Variants in CAST observed in about 807,000 individuals in gnomAD.
The protein encoded by CAST is MIR583 host.
A neutral mutation model predicts 119.6 loss-of-function variants in CAST; 76 were observed. That is an observed-to-expected ratio of 0.64 (90% CI 0.53 to 0.77). CAST has a LOEUF of 0.77. Among genes scored for constraint, CAST ranks in the 30% least tolerant of loss-of-function variants. The pLI is 0.00. For synonymous variants in CAST, 319 were observed against 331.6 expected, an observed-to-expected ratio of 0.96 and a Z score of 0.41; for missense variants, 953 against 946.5, an observed-to-expected ratio of 1.01 and a Z score of -0.09.
At chr5:96,443,610 C>T in the CAST span, among the ~76,000 whole-genome samples, 550 of 152,286 alleles carry the variant, frequency 3.6e-3, 1 homozygote, top group African/African-American at 0.013. Context: ...GTAACTTTAT[C>T]AGTGGTTATC....
intron 1 of CAST, among the ~76,000 whole-genome samples, chr5:96,666,920 C>T (rs1749415278): frequency 6.6e-6 from 1 of 152,094 alleles, no homozygotes; most frequent in Admixed American, 6.6e-5. Context: ...CTAAGTAGTA[C>T]ATCATTTTTC....
At chr5:96,245,055 C>CA in the CAST span, among the ~76,000 whole-genome samples, 3 of 152,164 alleles carry the variant, frequency 2.0e-5, no homozygotes, top group Non-Finnish European at 4.4e-5. Context: ...AAACAGACTA[C>CA]AAAAAATCTT....
the CAST span, chr5:96,398,866 T>G: frequency 6.2e-7 from 1 of 1,606,806 alleles, no homozygotes; most frequent in African/African-American, 1.3e-5. Flanking sequence ...GGCTTAGAAC[T>G]TTTTTAATTT....
At chr5:96,316,596 C>T in the CAST span, among the ~76,000 whole-genome samples, 3 of 152,270 alleles carry the variant, frequency 2.0e-5, no homozygotes, top group South Asian at 4.1e-4. Context: ...TTGAAAGCAC[C>T]AACAGCTGAA....
At position 96,770,547 on chromosome 5, in the gene CAST, C is replaced by T; in HGVS notation, c.2285C>T (p.Ala762Val). The T allele has an allele frequency of 6.2e-7, 1 of 1,612,678 alleles. No individual in the cohort carries two copies. The highest frequency in any genetic ancestry group is 1.1e-5 in the South Asian group (1 of 91,060). ...QNTAKDKCKK[A>V]ASSSKAPKNG... ...TTGCTTTAGGATAAGTGCAAGAAGG[C>T]TGCTTCCAGCTCCAAAGCACCTAAG... is the stretch of plus-strand genomic sequence containing the variant. The change falls in exon 30 of 32, where the codon GCT becomes GTT. Residue 762 changes from alanine to valine, a missense_variant. Transcript: ENST00000675179.
chr5:96,471,993 T>A, the CAST span, among the ~76,000 whole-genome samples: 1 of 152,274 alleles, frequency 6.6e-6, no homozygotes, highest in African/African-American at 2.4e-5. Context: ...CAAAATAAAA[T>A]TATTTGCTTC....
the CAST span, among the ~76,000 whole-genome samples, chr5:96,203,332 C>G: frequency 1.3e-5 from 2 of 150,548 alleles, no homozygotes; most frequent in Non-Finnish European, 1.5e-5. Flanking sequence ...TTTTTTTTTG[C>G]TTTTTTGTAG....
chr5:96,164,558 A>T, the CAST span, among the ~76,000 whole-genome samples: 1 of 152,210 alleles, frequency 6.6e-6, no homozygotes, highest in South Asian at 2.1e-4. Flanking sequence ...GATGGTCAAC[A>T]ATCAGTTCGC....
At chr5:96,360,854 A>C in the CAST span, among the ~76,000 whole-genome samples, 1 of 152,228 alleles carries the variant, frequency 6.6e-6, no homozygotes, top group Non-Finnish European at 1.5e-5. Context: ...GCAGAGCTCA[A>C]GAGCTGTGCT....
the CAST span, among the ~76,000 whole-genome samples, chr5:96,448,709 C>A: frequency 6.6e-6 from 1 of 151,934 alleles, no homozygotes; most frequent in Non-Finnish European, 1.5e-5. Context: ...CCAGGTTTAC[C>A]ATATTCACAT....
chr5:96,536,150 G>C (rs960647245), intron 1 of CAST, among the ~76,000 whole-genome samples: 6 of 150,602 alleles, frequency 4.0e-5, no homozygotes, highest in African/African-American at 9.8e-5. Context: ...CTGAGGTCAG[G>C]AGTTCAAGAC....
the CAST span, among the ~76,000 whole-genome samples, chr5:96,454,117 C>T: frequency 6.6e-5 from 10 of 152,080 alleles, no homozygotes; most frequent in East Asian, 3.9e-4. Context: ...TCATATAAGA[C>T]GAGGTCTTAG....
At chr5:96,376,985 G>T in the CAST span, among the ~76,000 whole-genome samples, 1 of 151,882 alleles carries the variant, frequency 6.6e-6, no homozygotes, top group African/African-American at 2.4e-5. Context: ...GTGTGTGTTT[G>T]TGTACTATTT....
At chr5:96,521,060 G>T (rs938125985), upstream of CAST, among the ~76,000 whole-genome samples, 2 of 152,096 alleles carry the variant, frequency 1.3e-5, no homozygotes, top group Non-Finnish European at 2.9e-5. Flanking sequence ...GATTCAGGCT[G>T]CGCTAAGCCC....
chr5:96,386,372 C>T, the CAST span, among the ~76,000 whole-genome samples: 5 of 152,180 alleles, frequency 3.3e-5, no homozygotes, highest in African/African-American at 1.2e-4. Context: ...AAGGATTCCT[C>T]GTTGCAGTTC....
the CAST span, among the ~76,000 whole-genome samples, chr5:95,984,739 C>G: frequency 6.6e-6 from 1 of 152,098 alleles, no homozygotes; most frequent in Non-Finnish European, 1.5e-5. Flanking sequence ...CTGCACTACC[C>G]TAAACAGTAG....
intron 1 of CAST, among the ~76,000 whole-genome samples, chr5:96,671,685 T>C (rs1750093983): frequency 6.6e-6 from 1 of 152,218 alleles, no homozygotes; most frequent in South Asian, 2.1e-4. Context: ...TAATTTCTTT[T>C]CTGTAATTAG....
At chr5:96,021,701 C>T in the CAST span, among the ~76,000 whole-genome samples, 1 of 152,160 alleles carries the variant, frequency 6.6e-6, no homozygotes, top group African/African-American at 2.4e-5. Context: ...CCTCCTTGGC[C>T]TCCCAAAGTG....
chr5:96,173,305 T>A, the CAST span, among the ~76,000 whole-genome samples: 1 of 152,252 alleles, frequency 6.6e-6, no homozygotes, highest in African/African-American at 2.4e-5. Flanking sequence ...TGCCATCATA[T>A]TATTTGCAGT....
Sources: allele counts gnomAD v4.1 joint callset (sites outside exome capture counted in the v4.1 genomes callset), GRCh38; gene constraint gnomAD v4.1.1; transcripts MANE v1.5; gene names NCBI Gene and HGNC (gene_info 2026-07-23, HGNC 2026-07-21).